The following DSG1 variants were observed in gnomAD, a reference collection of about 807,000 sequenced individuals.
DSG1 encodes desmoglein-1.
A neutral mutation model predicts 97.5 loss-of-function variants in DSG1; 39 were observed. The ratio of observed to expected loss-of-function variants is 0.40; its 90% confidence interval spans 0.31 to 0.52. DSG1 has a LOEUF of 0.52. Among genes scored for constraint, DSG1 ranks in the 20% least tolerant of loss-of-function variants. The probability of loss-of-function intolerance (pLI) is 0.53; values close to 1 mark genes in which losing one functional copy is unlikely to be tolerated. For synonymous variants in DSG1, 475 were observed against 443.4 expected, an observed-to-expected ratio of 1.07 and a Z score of -0.90; for missense variants, 1,311 against 1,295.4, an observed-to-expected ratio of 1.01 and a Z score of -0.18.
At chr18:31,341,276 A>G (rs923569509) in intron 11 of DSG1, among the ~76,000 whole-genome samples, 18 of 152,380 alleles carry the variant, frequency 1.2e-4, no homozygotes, top group African/African-American at 4.3e-4. Context: ...TTAATGTCAG[A>G]AGGTACCTCA....
At chr18:31,325,865 A>G (rs1232471947) in intron 1 of DSG1, among the ~76,000 whole-genome samples, 1 of 152,166 alleles carries the variant, frequency 6.6e-6, no homozygotes, top group African/African-American at 2.4e-5. Context: ...CCAAGACTCA[A>G]TTTCCTCATC....
chr18:31,352,908 G>T (rs1220963818), intron 14 of DSG1, among the ~76,000 whole-genome samples: 28 of 122,670 alleles, frequency 2.3e-4, no homozygotes, highest in African/African-American at 8.0e-4. Flanking sequence ...CTTTGCCTTT[G>T]GTTTGAATGT....
At position 31,329,802 on chromosome 18, in the gene DSG1, T is replaced by C. The variant is rs1344751954; in HGVS notation, c.373-90T>C. On this transcript the variant is annotated intron_variant, in intron 4 of 14. Coordinates refer to ENST00000257192, the MANE Select transcript of DSG1 (RefSeq NM_001942.4). The stretch of plus-strand genomic sequence containing the variant: ...GTTCTAAGTAGACATAATAATTCTT[T>C]TAATTCGCCACAGTGCTAGCATAAT... 3.4e-6 allele frequency: 5 copies of C among 1,489,610 alleles called. No individual in the cohort carries two copies. The African/African-American group carries it at 4.2e-5, about 12-fold the overall frequency. 92.3% of individuals were successfully genotyped at this position (1,489,610 alleles called of 1,614,324 possible).
At chr18:31,353,147 T>C (rs2071915191) in intron 14 of DSG1, among the ~76,000 whole-genome samples, 1 of 143,014 alleles carries the variant, frequency 7.0e-6, no homozygotes, top group African/African-American at 2.6e-5. Flanking sequence ...GATGGGTTTT[T>C]GGTGTGGATG....
rs548588033 is a variant in DSG1 at position 31,353,894 on chromosome 18, C to A, written c.2101-403C>A. The A allele has an allele frequency of 1.8e-5, 5 of 272,810 alleles. No homozygotes were observed. The East Asian group carries it at 4.1e-4, about 22-fold the overall frequency. The allele number at this position is 272,810 out of a possible 1,614,324, so 16.9% of individuals were successfully genotyped here. A position where few individuals can be genotyped will look rare whatever the true frequency, so the allele number is the denominator to read the frequency against. On this transcript the variant is annotated intron_variant, in intron 14 of 14. Transcript: ENST00000257192. The stretch of plus-strand genomic sequence containing the variant: ...CTGGCACTCCCTAGTGAGATGAACC[C>A]GGTACCTCAGATGGAAATGCAGAAA...
rs1222331436 is a variant in DSG1 at position 31,338,318 on chromosome 18, T to C, written c.1269T>C (p.Tyr423=). ...TATCATTTTCTTTCAAATACAGGTA[T>C]GTAATGGGAAATAATCCAGCTGACC... ...DTGRPSTTVR[Y]VMGNNPADLL... Residue 423 remains tyrosine, a synonymous_variant, in exon 10 of 15, where the codon TAT becomes TAC. Coordinates refer to ENST00000257192, the MANE Select transcript of DSG1 (RefSeq NM_001942.4). 2 of 1,613,642 alleles carry C rather than the reference T, an allele frequency of 1.2e-6. No homozygotes were observed. Among genetic ancestry groups the C allele is most frequent in the African/African-American group, 1.3e-5 (1 of 75,010 alleles).
At chr18:31,332,574 A>T (rs968724116) in intron 6 of DSG1, among the ~76,000 whole-genome samples, 2 of 150,236 alleles carry the variant, frequency 1.3e-5, no homozygotes, top group Non-Finnish European at 1.5e-5. Context: ...TTCATTATTT[A>T]AAAAAAATTG....
chr18:31,319,629 G>A (rs2071641229), intron 1 of DSG1, among the ~76,000 whole-genome samples: 2 of 152,104 alleles, frequency 1.3e-5, no homozygotes, highest in African/African-American at 4.8e-5. Context: ...CATATTGTCA[G>A]TAATCAAGCA....
chr18:31,328,541 C>CA (rs912671626), intron 4 of DSG1, among the ~76,000 whole-genome samples, 197 bp downstream of exon 4: 1 of 152,060 alleles, frequency 6.6e-6, no homozygotes, highest in African/African-American at 2.4e-5. Flanking sequence ...TAAGTGTCAG[C>CA]AAAAATGCTA....
chr18:31,343,674 T>C, intron 12 of DSG1, 91 bp downstream of exon 12: 1 of 1,578,060 alleles, frequency 6.3e-7, no homozygotes, highest in Non-Finnish European at 8.7e-7. Flanking sequence ...ACTCACAGTC[T>C]ATGCTGTTTT....
chr18:31,328,101 A>G (rs1568040194), intron 3 of DSG1, 88 bp from the exon 4 acceptor site: 1 of 1,413,340 alleles, frequency 7.1e-7, no homozygotes, highest in Non-Finnish European at 9.8e-7. Flanking sequence ...AGGTCATCAC[A>G]TGCAACAACT....
intron 14 of DSG1, 55 bp downstream of exon 14, chr18:31,346,253 C>A (rs963852980): frequency 6.9e-7 from 1 of 1,440,678 alleles, no homozygotes; most frequent in East Asian, 2.3e-5. Flanking sequence ...CTGCTCTTCA[C>A]CAAGCTTTCA....
In DSG1 at chr18:31,339,918, T is replaced by C. The variant is rs760604156; in HGVS notation, c.1580T>C (p.Val527Ala). The change falls in exon 11 of 15, where the codon GTA becomes GCA. Residue 527 changes from valine to alanine, a missense_variant. Val to Ala is a moderately conservative substitution (Grantham distance 64). Around this residue, in one of 3 missense-constraint regions of DSG1, gnomAD observed 1,038 missense variants for 964.6 expected, o/e 1.08. Transcript: ENST00000257192. The stretch of plus-strand genomic sequence containing the variant: ...ACAACTTCTACTGACTCTAGCCAAG[T>C]ATATTCTTCTGAACCCGGAAACGGA... ...TSTTSTDSSQ[V>A]YSSEPGNGAK... 6 of 1,613,968 alleles carry C rather than the reference T, an allele frequency of 3.7e-6. No individual in the cohort carries two copies. In the East Asian group the frequency reaches 1.3e-4, roughly 36 times the overall value.
chr18:31,345,915 A>G (rs1383182317), intron 13 of DSG1, 75 bp from the exon 14 acceptor site: 2 of 1,180,146 alleles, frequency 1.7e-6, no homozygotes. Context: ...AAAATCACAT[A>G]TTACAAGGCA....
intron 14 of DSG1, among the ~76,000 whole-genome samples, chr18:31,348,383 G>T (rs1390779778): frequency 6.6e-6 from 1 of 151,968 alleles, no homozygotes; most frequent in East Asian, 1.9e-4. Flanking sequence ...GGACATTTGG[G>T]TTGGTTCCAA....
In DSG1 at chr18:31,326,585, TG is replaced by T; in HGVS notation, c.55del (p.Val19Ter). 6.2e-7 allele frequency: 1 copy of T among 1,603,070 alleles called. No homozygotes were observed. The highest frequency in any genetic ancestry group is 8.5e-7 in the Non-Finnish European group (1 of 1,170,770). ...TGATTATCTTATTTTTTACAGGTGGTGGTAGAAGTTAACAGTGAATTCCGAA... is the reference window on the plus strand; with the variant it reads ...TGATTATCTTATTTTTTACAGGTGGTGTAGAAGTTAACAGTGAATTCCGAA... The part of the protein sequence containing the change: ...VVAMLFIFLV[V>X]VEVNSEFRIQ... On this transcript the variant is annotated frameshift_variant, in exon 2 of 15. Transcript: ENST00000257192. LOFTEE classifies it high-confidence loss of function.
chr18:31,353,481 G>T (rs1043895024), intron 14 of DSG1, among the ~76,000 whole-genome samples: 1 of 152,150 alleles, frequency 6.6e-6, no homozygotes, highest in African/African-American at 2.4e-5. Flanking sequence ...GCCTCCTTGA[G>T]CTGTGGTGGG....
rs747806242 is a variant in DSG1 at position 31,355,330 on chromosome 18, T to C, written c.3134T>C (p.Val1045Ala). ...ARSRITKYSTVQYSK is the reference protein window; with the variant it reads ...ARSRITKYSTAQYSK Reference sequence around the variant, plus strand: ...AGTCGAATCACAAAGTATAGTACCGTGCAATATAGCAAGTAGTCAGGACCC... The same window carrying C: ...AGTCGAATCACAAAGTATAGTACCGCGCAATATAGCAAGTAGTCAGGACCC... Residue 1045 changes from valine to alanine, a missense_variant, in exon 15 of 15, where the codon GTG becomes GCG. Physicochemically the swap from Val to Ala is moderately conservative, Grantham distance 64 (BLOSUM62 0). Around this residue, in one of 3 missense-constraint regions of DSG1, gnomAD observed 1,038 missense variants for 964.6 expected, o/e 1.08. Transcript: ENST00000257192. 1.7e-5 allele frequency: 27 copies of C among 1,614,114 alleles called. No homozygotes were observed. The highest frequency in any genetic ancestry group is 5.5e-5 in the South Asian group (5 of 91,076).
At position 31,344,705 on chromosome 18, in the gene DSG1, A is replaced by C. The variant is rs1282349551; in HGVS notation, c.1891+710A>C. Among the ~76,000 whole-genome samples the C allele has an allele frequency of 2.6e-5, 4 of 152,242 alleles. No homozygotes were observed. In the East Asian group the frequency reaches 7.7e-4, roughly 29 times the overall value. On this transcript the variant is annotated intron_variant, in intron 13 of 14. Transcript: ENST00000257192. ...GGAATCTAGACCAGTTCACAGGCAGAACCCAGGGAATAATTAGAATTTCAC... is the reference window on the plus strand; with the variant it reads ...GGAATCTAGACCAGTTCACAGGCAGCACCCAGGGAATAATTAGAATTTCAC...
Sources: allele counts gnomAD v4.1 joint callset (sites outside exome capture counted in the v4.1 genomes callset), GRCh38; gene constraint gnomAD v4.1.1; regional missense constraint gnomAD v4.1.1; transcripts MANE v1.5; gene names NCBI Gene and HGNC (gene_info 2026-07-23, HGNC 2026-07-21).